ARL5A: variants seen among roughly 807,000 people sequenced by gnomAD.
ARL5A encodes ARF like GTPase 5A.
A neutral mutation model predicts 25.9 loss-of-function variants in ARL5A; 18 were observed. The observed-to-expected ratio is 0.69, with a 90% CI of 0.48 to 1.03. The LOEUF (loss-of-function observed/expected upper bound fraction) is 1.03, where lower values mean the gene tolerates loss of function less well. ARL5A is among the 50% of genes least tolerant of loss of function. The probability of loss-of-function intolerance (pLI) is 0.00; values close to 1 mark genes in which losing one functional copy is unlikely to be tolerated. For synonymous variants in ARL5A, 61 were observed against 67.5 expected, an observed-to-expected ratio of 0.90 and a Z score of 0.47; for missense variants, 170 against 211.9, an observed-to-expected ratio of 0.80 and a Z score of 1.23.
At chr2:151,805,347 T>C (rs1284840860) in intron 5 of ARL5A, among the ~76,000 whole-genome samples, 1 of 152,292 alleles carries the variant, frequency 6.6e-6, no homozygotes, top group South Asian at 2.1e-4. Flanking sequence ...CATCGTGGTC[T>C]TGAAAGGAAA....
Position 151,803,324 on chromosome 2 carries a change from T to C in ARL5A, c.492A>G (p.Gly164=), listed in dbSNP as rs1185120057. ...IQACCALTGE[G]LCQGLEWMMS... is the part of the protein sequence containing the mutation. ...TCATCCATTCAAGTCCTTGGCACAA[T>C]CTATAAAGAAAACAAAATCATTTGA... The change falls in exon 6 of 6, where the codon GGA becomes GGG. Residue 164 remains glycine (G), a splice_region_variant and synonymous_variant. Transcript: ENST00000295087. 1 of 1,611,628 alleles carries C rather than the reference T, an allele frequency of 6.2e-7. No homozygotes were observed. Among genetic ancestry groups the C allele is most frequent in the East Asian group, 2.2e-5 (1 of 44,814 alleles).
At chr2:151,818,473 C>T (rs1333968708) in intron 1 of ARL5A, among the ~76,000 whole-genome samples, 2 of 152,102 alleles carry the variant, frequency 1.3e-5, no homozygotes, top group Non-Finnish European at 2.9e-5. Context: ...GATGGGATGT[C>T]CCTGTGTTTC....
rs2099829418 is a variant in ARL5A, at chr2:151,801,560, T to C, written c.*1716A>G. On this transcript the variant is annotated 3_prime_UTR_variant, in exon 6 of 6. Transcript: ENST00000295087. ...TAAGATTTACTTTTGTAAAACCATG[T>C]GGACAAATATTAAATGTTATGCTTG... The C allele has an allele frequency of 6.6e-6, 1 of 152,130 alleles. No homozygotes were observed. The highest frequency in any genetic ancestry group is 2.1e-4 in the South Asian group (1 of 4,830). The allele number at this position is 152,130 out of a possible 1,614,324, so 9.4% of individuals were successfully genotyped here.
rs748917129 is a variant in ARL5A, at chr2:151,814,235, T to A, written c.189A>T (p.Leu63=). 24 of 1,608,270 alleles carry A rather than the reference T, an allele frequency of 1.5e-5. No individual in the cohort carries two copies. In the Middle Eastern group the frequency reaches 1.8e-3, roughly 123 times the overall value. ...ATTCTTGGCCACCAATATCCCACAT[T>A]AGGAAACGTGTATTATTAATCACTA... ...EEIVINNTRF[L]MWDIGGQESL... is the part of the protein sequence containing the mutation. The change falls in exon 3 of 6, where the codon CTA becomes CTT. Residue 63 remains leucine, a synonymous_variant. Transcript: ENST00000295087.
intron 5 of ARL5A, among the ~76,000 whole-genome samples, chr2:151,804,026 T>C (rs1332768469): frequency 2.0e-5 from 3 of 152,160 alleles, no homozygotes; most frequent in Non-Finnish European, 2.9e-5. Context: ...TAAAAAATGA[T>C]TTCATAATTC....
At chr2:151,826,930 G>C (rs1298433918) in intron 1 of ARL5A, among the ~76,000 whole-genome samples, 1 of 148,690 alleles carries the variant, frequency 6.7e-6, no homozygotes, top group Non-Finnish European at 1.5e-5. Context: ...CTACACATCT[G>C]TGTGTGTGTG....
At position 151,799,388 on chromosome 2, in the gene ARL5A, A is replaced by G. The variant is rs2099829122; in HGVS notation, c.*3888T>C. On this transcript the variant is annotated 3_prime_UTR_variant, in exon 6 of 6. Transcript: ENST00000295087. ...AAATGGGATGTGGGCAATAGTTTCA[A>G]GAATGCCCTTAGATTATAGACTACA... is the stretch of plus-strand genomic sequence containing the variant. 6.6e-6 allele frequency: 1 copy of G among 152,214 alleles called. No individual in the cohort carries two copies. Among genetic ancestry groups the G allele is most frequent in the Non-Finnish European group, 1.5e-5 (1 of 68,028 alleles). 9.4% of individuals were successfully genotyped at this position (152,214 alleles called of 1,614,324 possible). A position where few individuals can be genotyped will look rare whatever the true frequency, so the allele number is the denominator to read the frequency against.
In ARL5A at chr2:151,803,234, C is replaced by G; in HGVS notation, c.*42G>C. The G allele has an allele frequency of 6.8e-7, 1 of 1,472,912 alleles. No individual in the cohort carries two copies. The highest frequency in any genetic ancestry group is 2.3e-5 in the East Asian group (1 of 43,980). 91.2% of individuals were successfully genotyped at this position (1,472,912 alleles called of 1,614,324 possible). ...TTTGCAGCTTTCAGGTAAAGTCCAG[C>G]ACTTCATTTATACAAAATCTATGAG... On this transcript the variant is annotated 3_prime_UTR_variant, in exon 6 of 6. Coordinates refer to ENST00000295087, the MANE Select transcript of ARL5A (RefSeq NM_012097.4).
At chr2:151,815,740 G>A (rs10179630) in intron 1 of ARL5A, among the ~76,000 whole-genome samples, 14,362 of 152,030 alleles carry the variant, frequency 0.094, 874 homozygotes, top group African/African-American at 0.17. Context: ...TGGTGGCAGC[G>A]ACTCCCTCCC....
intron 1 of ARL5A, among the ~76,000 whole-genome samples, chr2:151,825,374 T>C (rs997891529): frequency 1.3e-5 from 2 of 152,206 alleles, no homozygotes; most frequent in African/African-American, 4.8e-5. Context: ...GGCTCTGGCA[T>C]ATACCAGTTG....
rs760341359 is a variant in ARL5A at position 151,821,775 on chromosome 2, C to CTTTTTTTTTT, written c.46+6346_46+6355dup. Among the ~76,000 whole-genome samples the CTTTTTTTTTT allele has an allele frequency of 1.5e-4, 17 of 113,534 alleles. 1 individual carries two copies. Among genetic ancestry groups the CTTTTTTTTTT allele is most frequent in the African/African-American group, 5.4e-4 (16 of 29,580 alleles). The allele number at this position is 113,534 out of a possible 152,430, so 74.5% of individuals were successfully genotyped here. ...GGCAGGCACTACCATGCCCGGCTTTCTTTTTTTTTTTTTCTTTTTTTTTTT... is the reference window on the plus strand; with the variant it reads ...GGCAGGCACTACCATGCCCGGCTTTCTTTTTTTTTTTTTTTTTTTTTTTCTTTTTTTTTTT... On this transcript the variant is annotated intron_variant, in intron 1 of 5. Coordinates refer to ENST00000295087, the MANE Select transcript of ARL5A (RefSeq NM_012097.4).
intron 1 of ARL5A, among the ~76,000 whole-genome samples, chr2:151,823,674 C>T (rs759047270): frequency 6.6e-6 from 1 of 152,192 alleles, no homozygotes; most frequent in Non-Finnish European, 1.5e-5. Context: ...CGTTGGAGGG[C>T]ACAGATAGTG....
In ARL5A at chr2:151,798,825, G is replaced by A. The variant is rs1578367410; in HGVS notation, c.*4451C>T. On this transcript the variant is annotated 3_prime_UTR_variant, in exon 6 of 6. Coordinates refer to ENST00000295087, the MANE Select transcript of ARL5A (RefSeq NM_012097.4). ...CATAGAAAATACATATAATTTATTAGATGGGCTTAAAATCAACACAAATCC... is the reference window on the plus strand; with the variant it reads ...CATAGAAAATACATATAATTTATTAAATGGGCTTAAAATCAACACAAATCC... The A allele has an allele frequency of 6.7e-6, 1 of 148,764 alleles. No homozygotes were observed. The highest frequency in any genetic ancestry group is 1.5e-5 in the Non-Finnish European group (1 of 67,534). 9.2% of individuals were successfully genotyped at this position (148,764 alleles called of 1,614,324 possible).
At chr2:151,825,898 G>A (rs2151298528) in intron 1 of ARL5A, among the ~76,000 whole-genome samples, 1 of 152,154 alleles carries the variant, frequency 6.6e-6, no homozygotes, top group East Asian at 1.9e-4. Context: ...CCCAAGGCGG[G>A]TGGATCACGA....
intron 1 of ARL5A, among the ~76,000 whole-genome samples, chr2:151,821,329 A>G (rs182336580): frequency 1.4e-4 from 22 of 152,340 alleles, no homozygotes; most frequent in African/African-American, 5.3e-4. Flanking sequence ...ATTTGAACAT[A>G]TCATATTCTT....
intron 1 of ARL5A, among the ~76,000 whole-genome samples, chr2:151,823,210 A>G (rs952082694): frequency 6.6e-6 from 1 of 152,238 alleles, no homozygotes; most frequent in African/African-American, 2.4e-5. Context: ...CCTGGAATAA[A>G]GCATGAGCTT....
At chr2:151,811,230 G>A (rs2151293513) in intron 4 of ARL5A, among the ~76,000 whole-genome samples, 1 of 140,256 alleles carries the variant, frequency 7.1e-6, no homozygotes, top group East Asian at 1.9e-4. Flanking sequence ...AATTCTTAAA[G>A]CAAATCTCAA....
chr2:151,823,890 G>A (rs554203653), intron 1 of ARL5A, among the ~76,000 whole-genome samples: 2 of 152,280 alleles, frequency 1.3e-5, no homozygotes, highest in East Asian at 1.9e-4. Context: ...CCTTGGAGAC[G>A]GTGTTCATGC....
At position 151,828,145 on chromosome 2, in the gene ARL5A, A is replaced by G; in HGVS notation, c.32T>C (p.Leu11Pro). The change falls in exon 1 of 6, where the codon CTG becomes CCG. Residue 11 changes from leucine (L) to proline (P), a missense_variant. Transcript: ENST00000295087. Reference protein sequence around the residue: MGILFTRIWRLFNHQEHKVII... With the variant: MGILFTRIWRPFNHQEHKVII... The stretch of plus-strand genomic sequence containing the variant: ...GAGCTCCTCACCCTGGTGATTGAAC[A>G]GTCTCCATATTCTAGTGAAGAGAAT... The G allele has an allele frequency of 6.2e-7, 1 of 1,609,996 alleles. No individual in the cohort carries two copies. The highest frequency in any genetic ancestry group is 8.5e-7 in the Non-Finnish European group (1 of 1,178,112).
Sources: gnomAD v4.1 joint callset for allele counts (sites outside exome capture counted in the v4.1 genomes callset) on GRCh38, gnomAD v4.1.1 for gene constraint, MANE v1.5 for transcripts, NCBI Gene and HGNC (gene_info 2026-07-23, HGNC 2026-07-21) for gene names.